KALRN: variants seen among roughly 807,000 people sequenced by gnomAD.
The protein encoded by KALRN is kalirin.
Under a neutral mutation model 353.7 loss-of-function variants are expected in KALRN, and 70 were observed. That is an observed-to-expected ratio of 0.20 (90% CI 0.16 to 0.24). The LOEUF (loss-of-function observed/expected upper bound fraction) is 0.24. Among genes scored for constraint, KALRN ranks in the 10% least tolerant of loss-of-function variants. KALRN has a pLI of 1.00. For missense variants in KALRN, 2,791 were observed against 3,756.7 expected (o/e 0.74, Z 6.72); for synonymous variants, 1,391 against 1,434.8 (o/e 0.97, Z 0.69).
At chr3:124,059,337 G>A (rs1188664570) in intron 1 of KALRN, among the ~76,000 whole-genome samples, 1 of 151,794 alleles carries the variant, frequency 6.6e-6, no homozygotes, top group Non-Finnish European at 1.5e-5. Context: ...TTTTGAAATT[G>A]TGGAATGGCT....
chr3:124,305,848 A>G (rs1307514305), intron 6 of KALRN, among the ~76,000 whole-genome samples: 3 of 152,152 alleles, frequency 2.0e-5, no homozygotes, highest in Admixed American at 2.0e-4. Flanking sequence ...ATGCAAAGAA[A>G]CAGGAAAGTA....
chr3:124,279,533 G>GGCAGCCTGTT (rs1186718848), intron 5 of KALRN, among the ~76,000 whole-genome samples: 2 of 152,170 alleles, frequency 1.3e-5, no homozygotes, highest in Admixed American at 1.3e-4. Flanking sequence ...GGCAGCCTGT[G>GGCAGCCTGTT]GCAGCAGAGC....
At chr3:124,584,995 G>T in intron 34 of KALRN, 1 of 1,463,766 alleles carries the variant, frequency 6.8e-7, no homozygotes, top group East Asian at 2.6e-5. Flanking sequence ...GGAAGGGTTG[G>T]GGAGGCCTCT....
At chr3:124,466,345 G>C (rs1443314401) in intron 25 of KALRN, among the ~76,000 whole-genome samples, 2 of 152,114 alleles carry the variant, frequency 1.3e-5, no homozygotes. Flanking sequence ...TATTTTGATT[G>C]CATTTTATAA....
intron 34 of KALRN, among the ~76,000 whole-genome samples, chr3:124,596,949 T>C (rs769624493): frequency 6.6e-6 from 1 of 152,054 alleles, no homozygotes; most frequent in Non-Finnish European, 1.5e-5. Flanking sequence ...CTTGGGAGAC[T>C]GAGGCGTGAG....
At chr3:124,216,237 G>T (rs1482441802) in intron 1 of KALRN, among the ~76,000 whole-genome samples, 1 of 152,002 alleles carries the variant, frequency 6.6e-6, no homozygotes, top group African/African-American at 2.4e-5. Context: ...TTTTTTCTCT[G>T]CCAGCCCAAC....
chr3:124,513,266 G>A (rs2066149022), intron 33 of KALRN, among the ~76,000 whole-genome samples: 1 of 152,206 alleles, frequency 6.6e-6, no homozygotes, highest in African/African-American at 2.4e-5. Context: ...TGGAAAAGGT[G>A]AGGAAAAGCT....
chr3:124,582,401 G>A (rs998446535), intron 34 of KALRN, among the ~76,000 whole-genome samples: 3 of 152,186 alleles, frequency 2.0e-5, no homozygotes, highest in African/African-American at 7.2e-5. Flanking sequence ...CTGCTTGACA[G>A]TGACGTTCTT....
chr3:124,547,832 G>A (rs921178190), intron 33 of KALRN, among the ~76,000 whole-genome samples: 2 of 132,292 alleles, frequency 1.5e-5, no homozygotes, highest in Admixed American at 9.5e-5. Flanking sequence ...TCTCTTACAT[G>A]TACCAAACAT....
chr3:124,237,903 G>C (rs2079981428), intron 3 of KALRN, among the ~76,000 whole-genome samples: 1 of 152,116 alleles, frequency 6.6e-6, no homozygotes, highest in Non-Finnish European at 1.5e-5. Flanking sequence ...AAACAAATAA[G>C]GATAAGTGAG....
chr3:124,046,039 A>G (rs969184732), intron 1 of KALRN, among the ~76,000 whole-genome samples: 7 of 152,250 alleles, frequency 4.6e-5, no homozygotes, highest in Non-Finnish European at 1.5e-5. Flanking sequence ...CTCTGCTTCT[A>G]GACCATAGGT....
At chr3:124,657,149 T>C (rs2084153150) in intron 39 of KALRN, among the ~76,000 whole-genome samples, 2 of 152,192 alleles carry the variant, frequency 1.3e-5, no homozygotes, top group Admixed American at 1.3e-4. Context: ...TTCTGAGCCT[T>C]TATAGACCTG....
In KALRN at chr3:124,326,299, C is replaced by G. The variant is rs528270370; in HGVS notation, c.1284+128C>G. The G allele has an allele frequency of 6.3e-5, 39 of 617,988 alleles. No individual in the cohort carries two copies. In the African/African-American group the frequency reaches 7.0e-4, roughly 11 times the overall value. The allele number at this position is 617,988 out of a possible 1,614,324, so 38.3% of individuals were successfully genotyped here. On this transcript the variant is annotated intron_variant, in intron 7 of 59. Coordinates refer to ENST00000682506, the MANE Select transcript of KALRN (RefSeq NM_001388419.1). Reference sequence around the variant, plus strand: ...CCTGTCTTTTTGAAACACTGAAGACCCTGCCGAGTCATTGCAACAATAACC... The same window carrying G: ...CCTGTCTTTTTGAAACACTGAAGACGCTGCCGAGTCATTGCAACAATAACC...
chr3:124,649,337 A>G (rs768698079), intron 37 of KALRN, among the ~76,000 whole-genome samples: 5 of 152,214 alleles, frequency 3.3e-5, no homozygotes, highest in African/African-American at 1.2e-4. Flanking sequence ...CTGAAGGCCA[A>G]GCTGAAGCCT....
At chr3:124,471,966 C>CTAA (rs2060949844) in intron 25 of KALRN, among the ~76,000 whole-genome samples, 1 of 110,834 alleles carries the variant, frequency 9.0e-6, no homozygotes, top group Non-Finnish European at 1.8e-5. Flanking sequence ...GACTCCGTCT[C>CTAA]AAAAAAAAAA....
At position 124,650,796 on chromosome 3, in the gene KALRN, C is replaced by T. The variant is rs758001961; in HGVS notation, c.5665-12C>T. On this transcript the variant is annotated splice_polypyrimidine_tract_variant and intron_variant, in intron 37 of 59. Coordinates refer to ENST00000682506, the MANE Select transcript of KALRN (RefSeq NM_001388419.1). ...AGTACACTTCTCTAAGCCTGTTTTT[C>T]TCTCTTTTCAGAGTCTAGAAGGAAG... 2 of 1,607,140 alleles carry T rather than the reference C, an allele frequency of 1.2e-6. No homozygotes were observed. Among genetic ancestry groups the T allele is most frequent in the Non-Finnish European group, 1.7e-6 (2 of 1,176,568 alleles).
chr3:124,239,748 G>C (rs1269221963), intron 3 of KALRN, among the ~76,000 whole-genome samples: 1 of 152,194 alleles, frequency 6.6e-6, no homozygotes, highest in Non-Finnish European at 1.5e-5. Context: ...AAAACTGCAA[G>C]GGTTTCCTGC....
chr3:124,478,673 A>C (rs1440020630), intron 27 of KALRN, among the ~76,000 whole-genome samples: 1 of 152,202 alleles, frequency 6.6e-6, no homozygotes, highest in East Asian at 1.9e-4. Flanking sequence ...CTCTGCCACC[A>C]TTACCTCTGA....
intron 1 of KALRN, chr3:124,152,067 A>C (rs1451137603): frequency 1.5e-6 from 2 of 1,331,698 alleles, no homozygotes; most frequent in African/African-American, 2.9e-5. Context: ...GGAGAAGATA[A>C]TTTAAAGGGC....
Sources: gnomAD v4.1 joint callset for allele counts (sites outside exome capture counted in the v4.1 genomes callset) on GRCh38, gnomAD v4.1.1 for gene constraint, MANE v1.5 for transcripts, NCBI Gene and HGNC (gene_info 2026-07-23, HGNC 2026-07-21) for gene names.